Variants in MTUS2 observed in about 807,000 individuals in gnomAD.
MTUS2 encodes the protein microtubule-associated tumor suppressor candidate 2.
Under a neutral mutation model 114.1 loss-of-function variants are expected in MTUS2, and 40 were observed. That is an observed-to-expected ratio of 0.35 (90% CI 0.27 to 0.46). MTUS2 has a LOEUF of 0.46. MTUS2 is among the 20% of genes least tolerant of loss of function. The probability of loss-of-function intolerance (pLI) is 1.00; values close to 1 mark genes in which losing one functional copy is unlikely to be tolerated. For missense variants in MTUS2, 1,679 were observed against 1,705.4 expected (o/e 0.98, Z 0.27); for synonymous variants, 688 against 672.0 (o/e 1.02, Z -0.37).
chr13:29,091,342 G>A (rs1272768077), intron 4 of MTUS2, among the ~76,000 whole-genome samples: 1 of 152,026 alleles, frequency 6.6e-6, no homozygotes, highest in Non-Finnish European at 1.5e-5. Flanking sequence ...GTGCCACAAG[G>A]GTGCCATGGG....
chr13:28,877,049 T>C (rs997301986), intron 2 of MTUS2, among the ~76,000 whole-genome samples: 1 of 151,612 alleles, frequency 6.6e-6, no homozygotes, highest in African/African-American at 2.4e-5. Context: ...TCCCAGGATT[T>C]TGGGAGGCCG....
At chr13:29,218,874 A>G (rs1895787494) in intron 5 of MTUS2, among the ~76,000 whole-genome samples, 1 of 152,078 alleles carries the variant, frequency 6.6e-6, no homozygotes, top group African/African-American at 2.4e-5. Flanking sequence ...GATTTAGCAT[A>G]ATTGTTTAAG....
At position 28,990,704 on chromosome 13, in the gene MTUS2, CAAAT is replaced by C. The variant is rs1363825307; in HGVS notation, c.-242-33750_-242-33747del. Among the ~76,000 whole-genome samples the C allele has an allele frequency of 4.0e-5, 6 of 151,760 alleles. No individual in the cohort carries two copies. In the East Asian group the frequency reaches 9.7e-4, roughly 25 times the overall value. On this transcript the variant is annotated intron_variant, in intron 2 of 15. Coordinates refer to ENST00000612955, the MANE Select transcript of MTUS2 (RefSeq NM_001033602.4). Reference sequence around the variant, plus strand: ...CCAATCAGCAGGACATGGGCGGGGACAAATAAGGGAATAAAAGCTGGCCACCCCA... The same window carrying C: ...CCAATCAGCAGGACATGGGCGGGGACAAGGGAATAAAAGCTGGCCACCCCA...
At chr13:29,154,263 A>G (rs1348248779) in intron 5 of MTUS2, among the ~76,000 whole-genome samples, 2 of 152,218 alleles carry the variant, frequency 1.3e-5, no homozygotes, top group African/African-American at 4.8e-5. Context: ...ATCATGAACT[A>G]TGTCATTGTG....
chr13:29,486,917 C>A (rs532835245), intron 10 of MTUS2, among the ~76,000 whole-genome samples: 20 of 152,114 alleles, frequency 1.3e-4, no homozygotes, highest in Non-Finnish European at 2.6e-4. Flanking sequence ...ATTACTCCTG[C>A]AAGTCATACA....
At chr13:29,244,694 C>T (rs1057410851) in intron 5 of MTUS2, among the ~76,000 whole-genome samples, 1 of 152,036 alleles carries the variant, frequency 6.6e-6, no homozygotes, top group Non-Finnish European at 1.5e-5. Flanking sequence ...CGGTGGCTCA[C>T]GCCTGTAATC....
chr13:28,882,010 G>A (rs1878319501), intron 2 of MTUS2, among the ~76,000 whole-genome samples: 1 of 152,170 alleles, frequency 6.6e-6, no homozygotes, highest in Non-Finnish European at 1.5e-5. Flanking sequence ...ATATCCATGT[G>A]CAGAACATTG....
intron 2 of MTUS2, among the ~76,000 whole-genome samples, chr13:28,866,653 A>G (rs2138085038): frequency 6.6e-6 from 1 of 152,316 alleles, no homozygotes; most frequent in Middle Eastern, 3.4e-3. Context: ...GCCTTTGTAT[A>G]AGATTTAGAG....
intron 4 of MTUS2, among the ~76,000 whole-genome samples, chr13:29,042,414 G>A (rs1283711954): frequency 2.6e-5 from 4 of 152,160 alleles, no homozygotes; most frequent in Non-Finnish European, 5.9e-5. Context: ...CAGGGAGATT[G>A]GTCTGTAATG....
Position 29,439,982 on chromosome 13 carries a change from GA to G in MTUS2, c.3119del (p.Asn1040MetfsTer6). The G allele has an allele frequency of 6.3e-7, 1 of 1,579,076 alleles. No homozygotes were observed. Among genetic ancestry groups the G allele is most frequent in the Non-Finnish European group, 8.6e-7 (1 of 1,160,404 alleles). ...AVATQHFFRK[N>X]ESALVKEKEL... ...CTCGGTATCCGTTTTTGTTTTTTCAGAATGAAAGTGCCCTTGTGAAAGAAAA... is the reference window on the plus strand; with the variant it reads ...CTCGGTATCCGTTTTTGTTTTTTCAGATGAAAGTGCCCTTGTGAAAGAAAA... On this transcript the variant is annotated frameshift_variant and splice_region_variant, in exon 9 of 16. Transcript: ENST00000612955. LOFTEE classifies it high-confidence loss of function.
rs1257138773 is a variant in MTUS2 at position 29,272,877 on chromosome 13, T to G, written c.2645-8827T>G. Among the ~76,000 whole-genome samples the G allele has an allele frequency of 2.0e-5, 3 of 152,360 alleles. No homozygotes were observed. The East Asian group carries it at 5.8e-4, about 29-fold the overall frequency. Reference sequence around the variant, plus strand: ...CTTACTTTCTCACAGTTCTGGAGACTGTGAAGTCCAAGATCAAGGGGCTGA... The same window carrying G: ...CTTACTTTCTCACAGTTCTGGAGACGGTGAAGTCCAAGATCAAGGGGCTGA... On this transcript the variant is annotated intron_variant, in intron 5 of 15. Transcript: ENST00000612955.
chr13:29,130,713 C>T (rs1891725120), intron 5 of MTUS2, among the ~76,000 whole-genome samples: 1 of 152,148 alleles, frequency 6.6e-6, no homozygotes, highest in African/African-American at 2.4e-5. Context: ...GCAACCTCCA[C>T]CTCCTGCGTT....
At chr13:29,068,280 A>G (rs1371226329) in intron 4 of MTUS2, among the ~76,000 whole-genome samples, 1 of 152,182 alleles carries the variant, frequency 6.6e-6, no homozygotes, top group Non-Finnish European at 1.5e-5. Flanking sequence ...TTCACTGTGC[A>G]TTCAACAAAC....
At chr13:29,252,637 G>A (rs138957180) in intron 5 of MTUS2, among the ~76,000 whole-genome samples, 3 of 152,190 alleles carry the variant, frequency 2.0e-5, no homozygotes, top group Middle Eastern at 3.4e-3. Flanking sequence ...TAATTCCCAC[G>A]TGTTATGGGA....
Position 29,281,688 on chromosome 13 carries a change from T to G in MTUS2, c.2645-16T>G, listed in dbSNP as rs1483309864. ...TTTCATGAAGTTATAATTAACACGC[T>G]GTCTGCCTCCCACAGGTTCAACCTT... On this transcript the variant is annotated splice_polypyrimidine_tract_variant and intron_variant, in intron 5 of 15. Coordinates refer to ENST00000612955, the MANE Select transcript of MTUS2 (RefSeq NM_001033602.4). 6 of 1,590,884 alleles carry G rather than the reference T, an allele frequency of 3.8e-6. No individual in the cohort carries two copies. The African/African-American group carries it at 4.0e-5, about 11-fold the overall frequency.
At chr13:29,490,804 C>A (rs1882008077) in intron 11 of MTUS2, among the ~76,000 whole-genome samples, 1 of 152,282 alleles carries the variant, frequency 6.6e-6, no homozygotes, top group Non-Finnish European at 1.5e-5. Context: ...CTGCTTTCCT[C>A]AGCCCCAGAT....
intron 5 of MTUS2, among the ~76,000 whole-genome samples, chr13:29,126,382 A>G (rs1891517214): frequency 6.6e-6 from 1 of 152,114 alleles, no homozygotes; most frequent in African/African-American, 2.4e-5. Context: ...CATTTTCCAC[A>G]GTGGCTACTC....
chr13:29,309,175 C>G (rs1446610760), intron 6 of MTUS2, among the ~76,000 whole-genome samples: 1 of 152,074 alleles, frequency 6.6e-6, no homozygotes, highest in Non-Finnish European at 1.5e-5. Flanking sequence ...TGGAGTCAAC[C>G]CAAATTCCCA....
chr13:28,972,474 A>G (rs763174102), intron 2 of MTUS2, among the ~76,000 whole-genome samples: 1 of 152,232 alleles, frequency 6.6e-6, no homozygotes, highest in African/African-American at 2.4e-5. Context: ...GCTTCAGAAT[A>G]AACAGTATGC....
Sources: gnomAD v4.1 joint callset for allele counts (sites outside exome capture counted in the v4.1 genomes callset) on GRCh38, gnomAD v4.1.1 for gene constraint, MANE v1.5 for transcripts, NCBI Gene and HGNC (gene_info 2026-07-23, HGNC 2026-07-21) for gene names.